Variants in PALM2AKAP2 observed in about 807,000 individuals in gnomAD.
PALM2AKAP2 encodes PALM2 and AKAP2 fusion, also known as PALM2-AKAP2 fusion protein.
Under a neutral mutation model 71.5 loss-of-function variants are expected in PALM2AKAP2, and 37 were observed. The observed-to-expected ratio is 0.52, with a 90% CI of 0.40 to 0.68. The LOEUF is 0.68. PALM2AKAP2 is among the 30% of genes least tolerant of loss of function. The pLI, the probability that PALM2AKAP2 is intolerant of heterozygous loss-of-function variation, is 0.00. For missense variants in PALM2AKAP2, 1,224 were observed against 1,191.8 expected (o/e 1.03, Z -0.40); for synonymous variants, 468 against 478.8 (o/e 0.98, Z 0.29).
intron 1 of PALM2AKAP2, among the ~76,000 whole-genome samples, chr9:109,809,269 G>A (rs928675328): frequency 6.6e-6 from 1 of 152,182 alleles, no homozygotes; most frequent in African/African-American, 2.4e-5. Flanking sequence ...AAGCAACTGG[G>A]AGGGGAGCTT....
chr9:109,747,727 T>C (rs538619205), intron 1 of PALM2AKAP2, among the ~76,000 whole-genome samples: 1 of 152,164 alleles, frequency 6.6e-6, no homozygotes, highest in African/African-American at 2.4e-5. Context: ...TGGAGTACAG[T>C]GGCATGATCT....
At chr9:110,024,823 TTG>T in intron 7 of PALM2AKAP2, 1 of 687,796 alleles carries the variant, frequency 1.5e-6, no homozygotes, top group Non-Finnish European at 2.5e-6. Flanking sequence ...CTTGGGTTTT[TTG>T]TTTTTTTTTT....
exon 2 of PALM2AKAP2, chr9:110,137,986 C>G (rs373207318): frequency 1.9e-6 from 3 of 1,613,840 alleles, no homozygotes; most frequent in African/African-American, 1.3e-5. Context: ...AAGCCATAGC[C>G]GAGCAGGTGG....
chr9:110,038,906 A>T (rs1833464492), intron 7 of PALM2AKAP2, among the ~76,000 whole-genome samples: 1 of 149,882 alleles, frequency 6.7e-6, no homozygotes, highest in Admixed American at 6.7e-5. Context: ...GTGCCACTCC[A>T]GCCTGGCAAC....
chr9:109,712,591 AT>A (rs373934424), intron 1 of PALM2AKAP2, among the ~76,000 whole-genome samples: 2 of 152,224 alleles, frequency 1.3e-5, no homozygotes, highest in African/African-American at 4.8e-5. Context: ...TTGCAGAAAG[AT>A]TAAGGTGACC....
At chr9:109,899,642 C>T (rs1018301207) in intron 3 of PALM2AKAP2, among the ~76,000 whole-genome samples, 1 of 152,188 alleles carries the variant, frequency 6.6e-6, no homozygotes, top group Non-Finnish European at 1.5e-5. Context: ...CCTCCTCTTA[C>T]TTCTCTGGCC....
chr9:110,111,649 G>GT (rs1835256019), intron 1 of PALM2AKAP2, among the ~76,000 whole-genome samples: 1 of 152,160 alleles, frequency 6.6e-6, no homozygotes, highest in South Asian at 2.1e-4. Context: ...CAATTCTGAG[G>GT]TTTTGCAAGT....
rs531402324 is a variant in PALM2AKAP2, at chr9:109,839,591, A to G, written c.46-27900A>G. Among the ~76,000 whole-genome samples the G allele has an allele frequency of 2.0e-5, 3 of 152,342 alleles. No homozygotes were observed. In the South Asian group the frequency reaches 6.2e-4, roughly 32 times the overall value. ...TATTCAATTAGGAAAAGAGGAAGTC[A>G]AATTGTCCCTGTTTGCAGATGACAT... On this transcript the variant is annotated intron_variant, in intron 1 of 9. Coordinates refer to the PALM2AKAP2 transcript ENST00000302798.
At chr9:109,687,504 A>G (rs1827821961) in intron 1 of PALM2AKAP2, among the ~76,000 whole-genome samples, 2 of 152,046 alleles carry the variant, frequency 1.3e-5, no homozygotes, top group African/African-American at 4.8e-5. Flanking sequence ...TCATGAACGA[A>G]CCTCTGCTGG....
intron 1 of PALM2AKAP2, among the ~76,000 whole-genome samples, chr9:109,748,679 G>T (rs1478867019): frequency 2.0e-5 from 3 of 152,152 alleles, no homozygotes; most frequent in Non-Finnish European, 4.4e-5. Flanking sequence ...CTTTGATTTT[G>T]GGGTAGAGGG....
intron 2 of PALM2AKAP2, among the ~76,000 whole-genome samples, chr9:110,150,730 A>G (rs1048094288): frequency 9.8e-5 from 15 of 152,338 alleles, no homozygotes; most frequent in South Asian, 4.1e-4. Context: ...AGTGTCTGCC[A>G]TGTGCTATGC....
At chr9:110,012,611 T>G (rs1484860366) in intron 6 of PALM2AKAP2, among the ~76,000 whole-genome samples, 3 of 152,242 alleles carry the variant, frequency 2.0e-5, no homozygotes, top group Non-Finnish European at 4.4e-5. Flanking sequence ...ACTAAAACAC[T>G]TAAAACTAAA....
chr9:110,008,431 T>A (rs1033853891), intron 6 of PALM2AKAP2, among the ~76,000 whole-genome samples: 5 of 150,584 alleles, frequency 3.3e-5, no homozygotes, highest in Non-Finnish European at 5.9e-5. Context: ...TAATAATTAT[T>A]ATAATAATAA....
At chr9:110,093,799 G>A (rs182564095) in intron 1 of PALM2AKAP2, among the ~76,000 whole-genome samples, 65 of 152,180 alleles carry the variant, frequency 4.3e-4, no homozygotes, top group Non-Finnish European at 7.6e-4. Context: ...TCCCTCTCCC[G>A]TTGACCAGAC....
chr9:110,035,802 TTA>T (rs1833394518), intron 7 of PALM2AKAP2, among the ~76,000 whole-genome samples: 1 of 145,820 alleles, frequency 6.9e-6, no homozygotes, highest in Non-Finnish European at 1.5e-5. Flanking sequence ...ATGTTGTGTG[TTA>T]TATGTAACAT....
chr9:109,987,319 G>A (rs1832397241), intron 6 of PALM2AKAP2, among the ~76,000 whole-genome samples: 2 of 151,772 alleles, frequency 1.3e-5, no homozygotes, highest in African/African-American at 2.4e-5. Context: ...TTAGTAGAGA[G>A]GGGGTTTCAC....
At chr9:109,933,911 T>A (rs1831165847) in intron 6 of PALM2AKAP2, among the ~76,000 whole-genome samples, 1 of 152,194 alleles carries the variant, frequency 6.6e-6, no homozygotes, top group Non-Finnish European at 1.5e-5. Context: ...ACACAGAGCA[T>A]GTGTGGCTTA....
chr9:110,065,934 ATTT>A (rs1834070116), intron 1 of PALM2AKAP2, among the ~76,000 whole-genome samples: 1 of 152,200 alleles, frequency 6.6e-6, no homozygotes, highest in East Asian at 1.9e-4. Flanking sequence ...TATATGCCAC[ATTT>A]TGTATATCCA....
At chr9:109,693,293 T>C (rs1383731950) in intron 1 of PALM2AKAP2, among the ~76,000 whole-genome samples, 1 of 152,012 alleles carries the variant, frequency 6.6e-6, no homozygotes, top group Non-Finnish European at 1.5e-5. Context: ...TTATTCTGTC[T>C]GTAGGATCTC....
Sources: allele counts gnomAD v4.1 joint callset (sites outside exome capture counted in the v4.1 genomes callset), GRCh38; gene constraint gnomAD v4.1.1; transcripts MANE v1.5; gene names NCBI Gene and HGNC (gene_info 2026-07-23, HGNC 2026-07-21).